Variants in TPH1 observed in about 807,000 individuals in gnomAD.
TPH1 encodes tryptophan hydroxylase 1.
Under a neutral mutation model 49.5 loss-of-function variants are expected in TPH1, and 37 were observed. That is an observed-to-expected ratio of 0.75 (90% CI 0.58 to 0.98). The LOEUF (loss-of-function observed/expected upper bound fraction) is 0.98, where lower values mean the gene tolerates loss of function less well. TPH1 is among the 50% of genes least tolerant of loss of function. The pLI, the probability that TPH1 is intolerant of heterozygous loss-of-function variation, is 0.00. For synonymous variants in TPH1, 160 were observed against 182.1 expected (o/e 0.88, Z 0.98); for missense variants, 487 against 523.6 (o/e 0.93, Z 0.68).
chr11:18,023,972 GA>G lies in TPH1; in HGVS notation c.941del (p.Phe314SerfsTer14). 1.9e-6 allele frequency: 3 copies of G among 1,611,944 alleles called. No individual in the cohort carries two copies. Among genetic ancestry groups the G allele is most frequent in the Non-Finnish European group, 1.7e-6 (2 of 1,178,440 alleles). ...AVQKLATCYF[F>X]TVEFGLCKQD... ...GTTTACATAGACCAAACTCCACAGT[GA>G]AAAAGTAGCACTGCAAAAGAACATC... On this transcript the variant is annotated frameshift_variant, in exon 9 of 11. Coordinates refer to ENST00000682019, the MANE Select transcript of TPH1 (RefSeq NM_004179.3). LOFTEE classifies it high-confidence loss of function.
chr11:18,025,771 A>G lies in TPH1; in HGVS notation c.804-70T>C, dbSNP rs1009339680. The G allele has an allele frequency of 2.5e-6, 4 of 1,582,924 alleles. No individual in the cohort carries two copies. In the African/African-American group the frequency reaches 5.4e-5, roughly 21 times the overall value. ...CGTTTATAATCAACCATTCAATCAA[A>G]TCGAAATCCAATATTTTATTCTAAT... is the stretch of plus-strand genomic sequence containing the variant. On this transcript the variant is annotated intron_variant, in intron 7 of 10. Transcript: ENST00000682019.
At chr11:18,040,587 T>C in intron 2 of TPH1, 59 bp downstream of exon 2, 1 of 1,519,680 alleles carries the variant, frequency 6.6e-7, no homozygotes, top group Non-Finnish European at 9.0e-7. Flanking sequence ...ATATTTTAAA[T>C]ATAGTTTTAG....
At chr11:18,041,983 C>T (rs577846388) in intron 1 of TPH1, among the ~76,000 whole-genome samples, 1 of 152,282 alleles carries the variant, frequency 6.6e-6, no homozygotes, top group East Asian at 1.9e-4. Context: ...AAATGGAAGA[C>T]AGACTTCTCA....
intron 1 of TPH1, among the ~76,000 whole-genome samples, chr11:18,043,677 G>A (rs1848117579): frequency 6.6e-6 from 1 of 152,048 alleles, no homozygotes; most frequent in Non-Finnish European, 1.5e-5. Context: ...AACATAGTGA[G>A]ATGCTGTATG....
At chr11:18,046,095 T>G (rs527837043) in intron 1 of TPH1, among the ~76,000 whole-genome samples, 146 bp downstream of exon 1, 3 of 152,226 alleles carry the variant, frequency 2.0e-5, no homozygotes, top group Admixed American at 1.3e-4. Context: ...TTTATAGGGG[T>G]ACAACTCCGA....
intron 10 of TPH1, 100 bp downstream of exon 10, chr11:18,022,697 TG>T: frequency 7.6e-7 from 1 of 1,312,496 alleles, no homozygotes. Flanking sequence ...AGGCTCCTTG[TG>T]GGCTTCAAAT....
chr11:18,029,445 A>G (rs986405063), intron 5 of TPH1, 67 bp downstream of exon 5: 6 of 1,558,414 alleles, frequency 3.9e-6, no homozygotes, highest in Non-Finnish European at 5.3e-6. Flanking sequence ...TACCAAATGA[A>G]CACAATTTAT....
At position 18,023,980 on chromosome 11, in the gene TPH1, A is replaced by T; in HGVS notation, c.934T>A (p.Tyr312Asn). ...AGACCAAACTCCACAGTGAAAAAGTAGCACTGCAAAAGAACATCAATATTA... is the reference window on the plus strand; with the variant it reads ...AGACCAAACTCCACAGTGAAAAAGTTGCACTGCAAAAGAACATCAATATTA... The part of the protein sequence containing the change: ...EEAVQKLATC[Y>N]FFTVEFGLCK... The change falls in exon 9 of 11, where the codon TAC (tyrosine) becomes AAC (asparagine). Residue 312 changes from tyrosine to asparagine, a missense_variant. Coordinates refer to ENST00000682019, the MANE Select transcript of TPH1 (RefSeq NM_004179.3). 6.2e-7 allele frequency: 1 copy of T among 1,607,822 alleles called. No homozygotes were observed. The highest frequency in any genetic ancestry group is 1.7e-5 in the Admixed American group (1 of 59,982).
chr11:18,038,570 TG>T (rs1364514170), intron 2 of TPH1, among the ~76,000 whole-genome samples: 1 of 152,104 alleles, frequency 6.6e-6, no homozygotes, highest in Non-Finnish European at 1.5e-5. Context: ...AATTCAAGAA[TG>T]AAATAAAACA....
At chr11:18,029,395 T>A in intron 5 of TPH1, 34 bp from the exon 6 acceptor site, 1 of 1,594,100 alleles carries the variant, frequency 6.3e-7, no homozygotes. Flanking sequence ...TGTTTTGAAT[T>A]AGCATTTAAT....
At chr11:18,040,924 C>G (rs1040969394) in intron 1 of TPH1, 136 bp from the exon 2 acceptor site, 11 of 812,546 alleles carry the variant, frequency 1.4e-5, no homozygotes, top group Non-Finnish European at 3.7e-6. Flanking sequence ...TGCAGATAAG[C>G]TTTGCAAGAA....
rs1854332992 is a variant in TPH1, at chr11:18,019,358, A to C, written c.*1633T>G. 1 of 201,424 alleles carries C rather than the reference A, an allele frequency of 5.0e-6. No individual in the cohort carries two copies. The highest frequency in any genetic ancestry group is 8.2e-5 in the South Asian group (1 of 12,206). 12.5% of individuals were successfully genotyped at this position (201,424 alleles called of 1,614,324 possible). A position where few individuals can be genotyped will look rare whatever the true frequency, so the allele number is the denominator to read the frequency against. On this transcript the variant is annotated 3_prime_UTR_variant, in exon 11 of 11. Coordinates refer to ENST00000682019, the MANE Select transcript of TPH1 (RefSeq NM_004179.3). Reference sequence around the variant, plus strand: ...AAAATACGATGTTTAATATACCATTAATGGAAATTAAATTACTGGGAAAGG... The same window carrying C: ...AAAATACGATGTTTAATATACCATTCATGGAAATTAAATTACTGGGAAAGG...
intron 8 of TPH1, among the ~76,000 whole-genome samples, chr11:18,024,470 T>C (rs1847907728): frequency 1.3e-5 from 2 of 152,340 alleles, no homozygotes; most frequent in Admixed American, 6.5e-5. Flanking sequence ...CCTTTTGGGA[T>C]ATACTGTTTG....
rs1020960421 is a variant in TPH1, at chr11:18,018,243, T to C, written c.*2748A>G. ...TCTGTTCTCACATTTGGGTAACTAT[T>C]TACATATTCCTAGGTGCTTTGAAGA... is the stretch of plus-strand genomic sequence containing the variant. On this transcript the variant is annotated 3_prime_UTR_variant, in exon 11 of 11. Transcript: ENST00000682019. 6.6e-6 allele frequency: 1 copy of C among 152,046 alleles called. No individual in the cohort carries two copies. Among genetic ancestry groups the C allele is most frequent in the Non-Finnish European group, 1.5e-5 (1 of 68,024 alleles). The allele number at this position is 152,046 out of a possible 1,614,324, so 9.4% of individuals were successfully genotyped here.
Position 18,021,285 on chromosome 11 carries a change from A to C in TPH1, c.1161-120T>G, listed in dbSNP as rs1854359074. The C allele has an allele frequency of 2.2e-5, 21 of 962,372 alleles. No individual in the cohort carries two copies. In the South Asian group the frequency reaches 2.7e-4, roughly 12 times the overall value. The allele number at this position is 962,372 out of a possible 1,614,324, so 59.6% of individuals were successfully genotyped here. A position where few individuals can be genotyped will look rare whatever the true frequency, so the allele number is the denominator to read the frequency against. The stretch of plus-strand genomic sequence containing the variant: ...AAACAAATTCTTGTTAGATATGTGT[A>C]CAACCAATCTGACCTACTTCTCTAC... On this transcript the variant is annotated intron_variant, in intron 10 of 10. Coordinates refer to ENST00000682019, the MANE Select transcript of TPH1 (RefSeq NM_004179.3).
chr11:18,025,394 C>A (rs1590260661), intron 8 of TPH1, among the ~76,000 whole-genome samples, 181 bp downstream of exon 8: 1 of 151,448 alleles, frequency 6.6e-6, no homozygotes, highest in East Asian at 1.9e-4. Flanking sequence ...CTTTTCTTTT[C>A]TTTTCTGACA....
Position 18,019,564 on chromosome 11 carries a change from G to A in TPH1, c.*1427C>T, listed in dbSNP as rs577113334. 4.3e-5 allele frequency: 19 copies of A among 443,070 alleles called. No homozygotes were observed. Among genetic ancestry groups the A allele is most frequent in the East Asian group, 2.8e-4 (4 of 14,332 alleles). The allele number at this position is 443,070 out of a possible 1,614,324, so 27.4% of individuals were successfully genotyped here. A position where few individuals can be genotyped will look rare whatever the true frequency, so the allele number is the denominator to read the frequency against. ...CATCTACATAGACATCCAGGAGTTC[G>A]TTGGAATTAAGGGGCAAAAAAATTC... On this transcript the variant is annotated 3_prime_UTR_variant, in exon 11 of 11. Coordinates refer to ENST00000682019, the MANE Select transcript of TPH1 (RefSeq NM_004179.3).
Position 18,019,870 on chromosome 11 carries a change from A to G in TPH1, c.*1121T>C, listed in dbSNP as rs966809681. ...TCTGCATAAAAACCATTCCTTGGCAATCCTTACATTACTTACAGTCTCAGT... is the reference window on the plus strand; with the variant it reads ...TCTGCATAAAAACCATTCCTTGGCAGTCCTTACATTACTTACAGTCTCAGT... On this transcript the variant is annotated 3_prime_UTR_variant, in exon 11 of 11. Transcript: ENST00000682019. The G allele has an allele frequency of 7.6e-6, 3 of 395,268 alleles. No individual in the cohort carries two copies. Among genetic ancestry groups the G allele is most frequent in the Non-Finnish European group, 1.5e-5 (3 of 199,212 alleles). 24.5% of individuals were successfully genotyped at this position (395,268 alleles called of 1,614,324 possible).
intron 1 of TPH1, among the ~76,000 whole-genome samples, chr11:18,041,556 C>T (rs1253985343): frequency 2.6e-5 from 4 of 152,174 alleles, no homozygotes; most frequent in East Asian, 1.9e-4. Flanking sequence ...AATTCTCACT[C>T]GTTTTAAAAC....
Sources: gnomAD v4.1 joint callset for allele counts (sites outside exome capture counted in the v4.1 genomes callset) on GRCh38, gnomAD v4.1.1 for gene constraint, MANE v1.5 for transcripts, NCBI Gene and HGNC (gene_info 2026-07-23, HGNC 2026-07-21) for gene names.